Variants in LPO observed in about 807,000 individuals in gnomAD.
The protein encoded by LPO is salivary peroxidase.
A neutral mutation model predicts 68.4 loss-of-function variants in LPO; 70 were observed. The observed-to-expected ratio is 1.02, with a 90% CI of 0.84 to 1.25. The LOEUF (loss-of-function observed/expected upper bound fraction) is 1.25, where lower values mean the gene tolerates loss of function less well. Ranked by LOEUF, LPO falls within the 50% of genes most tolerant of loss-of-function variation. The pLI, the probability that LPO is intolerant of heterozygous loss-of-function variation, is 0.00. For synonymous variants in LPO, 360 were observed against 357.6 expected (o/e 1.01, Z -0.08); for missense variants, 873 against 908.4 (o/e 0.96, Z 0.50).
At chr17:58,266,120 A>G in intron 10 of LPO, 33 bp from the exon 11 acceptor site, 1 of 1,603,624 alleles carries the variant, frequency 6.2e-7, no homozygotes, top group South Asian at 1.1e-5. Context: ...TCTTCCCCCA[A>G]CCTAAGCATG....
At chr17:58,253,741 G>T (rs11868650) in intron 8 of LPO, among the ~76,000 whole-genome samples, 73,629 of 152,088 alleles carry the variant, frequency 0.48, 20,225 homozygotes, top group African/African-American at 0.76. Flanking sequence ...ATATCCCACA[G>T]CAATCCAGAC....
intron 3 of LPO, chr17:58,244,298 A>C: frequency 1.8e-6 from 1 of 568,382 alleles, no homozygotes; most frequent in Non-Finnish European, 3.1e-6. Flanking sequence ...CCTGTACATC[A>C]CCTGAAAGAG....
intron 2 of LPO, chr17:58,243,648 T>C (rs1362416936): frequency 1.4e-5 from 5 of 352,388 alleles, no homozygotes; most frequent in African/African-American, 8.3e-5. Context: ...TTTGATGAAC[T>C]TGAGATAGTC....
intron 12 of LPO, 31 bp from the exon 13 acceptor site, chr17:58,267,756 C>A (rs1275022374): frequency 3.8e-5 from 61 of 1,601,022 alleles, no homozygotes; most frequent in Non-Finnish European, 4.1e-5. Flanking sequence ...AGCGGCCAGA[C>A]TGTGGAGTGA....
At chr17:58,254,130 TAGATATATAGATATATA>T (rs1435673217) in intron 8 of LPO, among the ~76,000 whole-genome samples, 3 of 94,628 alleles carry the variant, frequency 3.2e-5, no homozygotes, top group African/African-American at 8.8e-5. Flanking sequence ...TAGATGATGA[TAGATATATAGATATATA>T]GATATATAGA....
Position 58,254,152 on chromosome 17 carries a change from TATAG to T in LPO, c.1106-621_1106-618del, listed in dbSNP as rs34548791. ...TGATAGATATATAGATATATAGATA[TATAG>T]ATAGATAGATAGATAGATAGATAGA... On this transcript the variant is annotated intron_variant, in intron 8 of 12. Transcript: ENST00000262290. 8.5e-3 allele frequency among the ~76,000 whole-genome samples: 1,128 copies of T among 133,376 alleles called. 7 individuals are homozygous for T. The highest frequency in any genetic ancestry group is 0.019 in the Middle Eastern group (5 of 268). 87.5% of individuals were successfully genotyped at this position (133,376 alleles called of 152,430 possible).
In LPO at chr17:58,254,128, GATAGATATATAGATATATAGATAT is replaced by G. The variant is rs1555605277; in HGVS notation, c.1106-675_1106-652del. Among the ~76,000 whole-genome samples the G allele has an allele frequency of 9.0e-3, 1,031 of 114,032 alleles. 7 individuals carry two copies. The highest frequency in any genetic ancestry group is 0.011 in the Non-Finnish European group (587 of 51,404). 74.8% of individuals were successfully genotyped at this position (114,032 alleles called of 152,430 possible). A position where few individuals can be genotyped will look rare whatever the true frequency, so the allele number is the denominator to read the frequency against. ...CTGTCCAGATAGATAGATAGATGAT[GATAGATATATAGATATATAGATAT>G]ATAGATAGATAGATAGATAGATAGA... On this transcript the variant is annotated intron_variant, in intron 8 of 12. Transcript: ENST00000262290.
At position 58,239,133 on chromosome 17, in the gene LPO, A is replaced by G. The variant is rs540968259; in HGVS notation, c.-3+394A>G. The stretch of plus-strand genomic sequence containing the variant: ...GTGCTCCCTGTGCTGTTCTTGAGAC[A>G]GTGTGATGAAATCTGGCCTCTCCAC... On this transcript the variant is annotated intron_variant, in intron 1 of 12. Transcript: ENST00000262290. Among the ~76,000 whole-genome samples, 4 of 152,116 alleles carry G rather than the reference A, an allele frequency of 2.6e-5. No individual in the cohort carries two copies. In the East Asian group the frequency reaches 5.8e-4, roughly 22 times the overall value.
At chr17:58,263,715 G>A (rs1359708755) in intron 9 of LPO, among the ~76,000 whole-genome samples, 1 of 152,108 alleles carries the variant, frequency 6.6e-6, no homozygotes, top group Admixed American at 6.6e-5. Flanking sequence ...ATTCCAGCCT[G>A]GGTGACAAAG....
chr17:58,241,820 T>C (rs1338032600), intron 1 of LPO, among the ~76,000 whole-genome samples: 2 of 152,280 alleles, frequency 1.3e-5, no homozygotes, highest in East Asian at 3.9e-4. Flanking sequence ...GAGGCTGAAA[T>C]GACCTGATCC....
chr17:58,253,652 C>T (rs1970006566), intron 8 of LPO, among the ~76,000 whole-genome samples: 1 of 152,176 alleles, frequency 6.6e-6, no homozygotes, highest in South Asian at 2.1e-4. Flanking sequence ...GGACAAACCC[C>T]CTGGCCACCC....
rs1309505404 is a variant in LPO at position 58,264,967 on chromosome 17, C to T, written c.1512C>T (p.Val504=). ...HTLFFNTWRM[V]KDGGIDPLVR... is the part of the protein sequence containing the mutation. The stretch of plus-strand genomic sequence containing the variant: ...TCTTCTTCAACACTTGGAGGATGGT[C>T]AAAGATGGTATGCCCTTTCAGGGAA... The change falls in exon 10 of 13, where the codon GTC becomes GTT. Residue 504 remains valine, a synonymous_variant. Coordinates refer to ENST00000262290, the MANE Select transcript of LPO (RefSeq NM_006151.3). 1.2e-6 allele frequency: 2 copies of T among 1,614,008 alleles called. No individual in the cohort carries two copies. Among genetic ancestry groups the T allele is most frequent in the Non-Finnish European group, 1.7e-6 (2 of 1,180,002 alleles).
intron 3 of LPO, chr17:58,244,427 T>G: frequency 3.6e-6 from 1 of 280,288 alleles, no homozygotes; most frequent in Non-Finnish European, 6.7e-6. Flanking sequence ...CCAGCTGATA[T>G]TGACTGATTC....
chr17:58,267,462 A>G lies in LPO; in HGVS notation c.1807A>G (p.Thr603Ala). 6.2e-7 allele frequency: 1 copy of G among 1,614,186 alleles called. No homozygotes were observed. Among genetic ancestry groups the G allele is most frequent in the African/African-American group, 1.3e-5 (1 of 75,046 alleles). Reference protein sequence around the residue: ...LAKKLLGLYGTPDNIDIWIGA... With the variant: ...LAKKLLGLYGAPDNIDIWIGA... ...CAAGAAGTTACTGGGTCTCTACGGG[A>G]CCCCTGACAACATCGACATCTGGAT... is the stretch of plus-strand genomic sequence containing the variant. Residue 603 changes from threonine (T) to alanine (A), a missense_variant, in exon 12 of 13, where the codon ACC (threonine) becomes GCC (alanine). Coordinates refer to ENST00000262290, the MANE Select transcript of LPO (RefSeq NM_006151.3).
chr17:58,254,134 TATATA>T (rs1970017363), intron 8 of LPO, among the ~76,000 whole-genome samples: 1 of 90,486 alleles, frequency 1.1e-5, no homozygotes, highest in Non-Finnish European at 2.3e-5. Flanking sequence ...TGATGATAGA[TATATA>T]GATATATAGA....
At position 58,252,292 on chromosome 17, in the gene LPO, C is replaced by CA. The variant is rs1487388584; in HGVS notation, c.893dup (p.Asn298LysfsTer50). 8 of 1,614,098 alleles carry CA rather than the reference C, an allele frequency of 5.0e-6. No homozygotes were observed. Among genetic ancestry groups the CA allele is most frequent in the Non-Finnish European group, 6.8e-6 (8 of 1,180,044 alleles). ...ACAAGTCCCTGGCCCGAGAGCAGAT[C>CA]AACGCTCTGACCTCCTTCCTGGATG... On this transcript the variant is annotated frameshift_variant, in exon 8 of 13. Coordinates refer to ENST00000262290, the MANE Select transcript of LPO (RefSeq NM_006151.3). LOFTEE classifies it high-confidence loss of function.
chr17:58,242,242 C>T (rs1969772350), intron 1 of LPO, among the ~76,000 whole-genome samples: 1 of 152,240 alleles, frequency 6.6e-6, no homozygotes, highest in Non-Finnish European at 1.5e-5. Context: ...TAAAGATTTG[C>T]ATTCAGAGTT....
chr17:58,265,652 G>T (rs1219766493), intron 10 of LPO, among the ~76,000 whole-genome samples: 2 of 134,304 alleles, frequency 1.5e-5, no homozygotes, highest in African/African-American at 5.8e-5. Flanking sequence ...CGCAATCTCA[G>T]CTCACTGCGG....
intron 9 of LPO, among the ~76,000 whole-genome samples, chr17:58,259,345 G>C (rs1040247382): frequency 1.3e-5 from 2 of 152,080 alleles, no homozygotes; most frequent in Non-Finnish European, 2.9e-5. Context: ...CTTATTGAAA[G>C]GCTATTGTTT....
Sources: gnomAD v4.1 joint callset for allele counts (sites outside exome capture counted in the v4.1 genomes callset) on GRCh38, gnomAD v4.1.1 for gene constraint, MANE v1.5 for transcripts, NCBI Gene and HGNC (gene_info 2026-07-23, HGNC 2026-07-21) for gene names.